Variants in TMC7 observed in about 807,000 individuals in gnomAD.
TMC7 encodes transmembrane channel-like protein 7.
A neutral mutation model predicts 82.9 loss-of-function variants in TMC7; 54 were observed. The observed-to-expected ratio is 0.65, with a 90% CI of 0.52 to 0.82. The LOEUF (loss-of-function observed/expected upper bound fraction) is 0.82, where lower values mean the gene tolerates loss of function less well. Ranked by LOEUF, TMC7 falls within the 40% of genes least tolerant of loss-of-function variation. The pLI, the probability that TMC7 is intolerant of heterozygous loss-of-function variation, is 0.00. For synonymous variants in TMC7, 350 were observed against 337.9 expected, an observed-to-expected ratio of 1.04 and a Z score of -0.39; for missense variants, 820 against 901.2, an observed-to-expected ratio of 0.91 and a Z score of 1.15.
At chr16:18,994,009 A>G (rs1280999291) in intron 1 of TMC7, among the ~76,000 whole-genome samples, 1 of 152,084 alleles carries the variant, frequency 6.6e-6, no homozygotes, top group African/African-American at 2.4e-5. Flanking sequence ...AAAGAAAGAA[A>G]TATGGGGAAA....
intron 1 of TMC7, among the ~76,000 whole-genome samples, chr16:18,988,008 T>G (rs2038882352): frequency 6.6e-6 from 1 of 152,146 alleles, no homozygotes; most frequent in African/African-American, 2.4e-5. Context: ...GACACTGATT[T>G]TAGCTGGACC....
intron 1 of TMC7, among the ~76,000 whole-genome samples, chr16:18,992,211 C>T (rs527575769): frequency 4.0e-4 from 61 of 152,296 alleles, no homozygotes; most frequent in African/African-American, 1.4e-3. Context: ...ACAGTCCCAC[C>T]AACAGTGTAA....
At chr16:18,987,114 C>G (rs1375761132) in intron 1 of TMC7, among the ~76,000 whole-genome samples, 2 of 151,932 alleles carry the variant, frequency 1.3e-5, no homozygotes, top group Non-Finnish European at 2.9e-5. Context: ...CATAGAGCAG[C>G]CTCTTCCTTT....
intron 2 of TMC7, among the ~76,000 whole-genome samples, chr16:19,010,017 T>TC (rs1567508017): frequency 2.7e-5 from 4 of 147,172 alleles, no homozygotes; most frequent in Non-Finnish European, 6.0e-5. Flanking sequence ...ATTCCTCCCT[T>TC]CCTCCCTCCC....
chr16:19,062,808 G>A lies in TMC7; in HGVS notation c.*965G>A, dbSNP rs1962061660. 6.5e-6 allele frequency: 1 copy of A among 152,680 alleles called. No individual in the cohort carries two copies. The highest frequency in any genetic ancestry group is 2.1e-4 in the South Asian group (1 of 4,820). The allele number at this position is 152,680 out of a possible 1,614,324, so 9.5% of individuals were successfully genotyped here. On this transcript the variant is annotated 3_prime_UTR_variant, in exon 16 of 16. Coordinates refer to ENST00000304381, the MANE Select transcript of TMC7 (RefSeq NM_024847.4). ...TAATATCTTTGAAATCTTTTTCAAA[G>A]GACTGTAGTTTTGTAATGGACTTTT...
intron 6 of TMC7, among the ~76,000 whole-genome samples, chr16:19,033,221 G>A (rs1367568918): frequency 6.6e-6 from 1 of 152,170 alleles, no homozygotes; most frequent in African/African-American, 2.4e-5. Flanking sequence ...AACTAGGCAG[G>A]TGAATGAAAT....
At chr16:19,010,772 T>C (rs1405507758) in intron 2 of TMC7, among the ~76,000 whole-genome samples, 1 of 152,192 alleles carries the variant, frequency 6.6e-6, no homozygotes, top group Non-Finnish European at 1.5e-5. Flanking sequence ...GAGGTGTCTC[T>C]GCTGATCTAG....
chr16:19,045,861 G>C (rs894381571), intron 11 of TMC7, among the ~76,000 whole-genome samples: 2 of 152,048 alleles, frequency 1.3e-5, no homozygotes, highest in African/African-American at 4.8e-5. Context: ...CTTCCAAAGT[G>C]CTGGGATTAT....
chr16:19,024,569 A>AT (rs1960134784), intron 5 of TMC7, among the ~76,000 whole-genome samples: 1 of 150,256 alleles, frequency 6.7e-6, no homozygotes, highest in South Asian at 2.1e-4. Context: ...TTTATTTTTT[A>AT]TTTTTTTAGA....
At chr16:18,991,821 T>A (rs1032426389) in intron 1 of TMC7, among the ~76,000 whole-genome samples, 24 of 152,002 alleles carry the variant, frequency 1.6e-4, no homozygotes, top group Non-Finnish European at 5.9e-5. Context: ...CACCTATGAG[T>A]GAGAACATGC....
chr16:19,020,738 C>T (rs1959927093), intron 3 of TMC7, among the ~76,000 whole-genome samples: 1 of 151,794 alleles, frequency 6.6e-6, no homozygotes, highest in South Asian at 2.1e-4. Context: ...CGTGGTGGCT[C>T]AGCCTCGGGA....
At chr16:19,054,265 A>G (rs1961667606) in intron 13 of TMC7, among the ~76,000 whole-genome samples, 2 of 152,146 alleles carry the variant, frequency 1.3e-5, no homozygotes, top group African/African-American at 4.8e-5. Flanking sequence ...GAAAAGCTGA[A>G]AAACTAGCAG....
rs189389786 is a variant in TMC7 at position 19,009,471 on chromosome 16, G to A, written c.311+56G>A. The A allele has an allele frequency of 2.1e-5, 32 of 1,542,616 alleles. No individual in the cohort carries two copies. The Admixed American group carries it at 5.5e-4, about 26-fold the overall frequency. Reference sequence around the variant, plus strand: ...TGTGTATGTTATGGCCCAGAGGTATGTTTTGTGCGTGAAATGCATTTCCTG... The same window carrying A: ...TGTGTATGTTATGGCCCAGAGGTATATTTTGTGCGTGAAATGCATTTCCTG... On this transcript the variant is annotated intron_variant, in intron 2 of 15. Coordinates refer to ENST00000304381, the MANE Select transcript of TMC7 (RefSeq NM_024847.4).
intron 13 of TMC7, among the ~76,000 whole-genome samples, chr16:19,052,482 C>T (rs1961583623): frequency 1.3e-5 from 2 of 152,162 alleles, no homozygotes; most frequent in South Asian, 4.1e-4. Context: ...AGGCATGAAC[C>T]ACCACACCAG....
intron 1 of TMC7, among the ~76,000 whole-genome samples, chr16:18,995,745 T>TA (rs1398037061): frequency 6.6e-6 from 1 of 152,236 alleles, no homozygotes; most frequent in African/African-American, 2.4e-5. Flanking sequence ...TGGCTGCATC[T>TA]ACTCTATTAT....
chr16:19,037,672 T>A (rs1960818020), intron 7 of TMC7, among the ~76,000 whole-genome samples: 1 of 151,964 alleles, frequency 6.6e-6, no homozygotes, highest in Non-Finnish European at 1.5e-5. Context: ...GGGGTCTCAC[T>A]ATGTTGCCAG....
At chr16:19,007,134 G>A (rs1298109766) in intron 1 of TMC7, among the ~76,000 whole-genome samples, 1 of 151,978 alleles carries the variant, frequency 6.6e-6, no homozygotes, top group Admixed American at 6.6e-5. Flanking sequence ...TGTCCCAGGG[G>A]TTTGAAGACA....
intron 7 of TMC7, 50 bp from the exon 8 acceptor site, chr16:19,037,824 G>C (rs762358514): frequency 7.1e-6 from 11 of 1,553,966 alleles, no homozygotes; most frequent in African/African-American, 4.1e-5. Context: ...TTCTATCCCT[G>C]AGTATCCCTT....
At chr16:19,024,725 G>C (rs1445280717) in intron 5 of TMC7, among the ~76,000 whole-genome samples, 1 of 151,976 alleles carries the variant, frequency 6.6e-6, no homozygotes, top group Non-Finnish European at 1.5e-5. Flanking sequence ...ATGAGATTTT[G>C]GCTCAGTGTG....
Sources: allele counts gnomAD v4.1 joint callset (sites outside exome capture counted in the v4.1 genomes callset), GRCh38; gene constraint gnomAD v4.1.1; transcripts MANE v1.5; gene names NCBI Gene and HGNC (gene_info 2026-07-23, HGNC 2026-07-21).